The following RIT2 variants were observed in gnomAD, a reference collection of about 807,000 sequenced individuals.
The protein encoded by RIT2 is GTP-binding protein Rit2.
Under a neutral mutation model 23.7 loss-of-function variants are expected in RIT2, and 24 were observed. The ratio of observed to expected loss-of-function variants is 1.01; its 90% confidence interval spans 0.73 to 1.43. RIT2 has a LOEUF of 1.43. Ranked by LOEUF, RIT2 falls within the 40% of genes most tolerant of loss-of-function variation. The pLI, the probability that RIT2 is intolerant of heterozygous loss-of-function variation, is 0.00. For synonymous variants in RIT2, 107 were observed against 91.1 expected, an observed-to-expected ratio of 1.17 and a Z score of -0.99; for missense variants, 236 against 266.9, an observed-to-expected ratio of 0.88 and a Z score of 0.81.
At chr18:42,806,100 AATATAT>A (rs58214096) in intron 4 of RIT2, among the ~76,000 whole-genome samples, 22,571 of 139,846 alleles carry the variant, frequency 0.16, 3,481 homozygotes, top group African/African-American at 0.38. Context: ...TAATAAAATT[AATATAT>A]ATATATATAT....
intron 1 of RIT2, among the ~76,000 whole-genome samples, chr18:43,059,577 T>C (rs1912594425): frequency 6.6e-6 from 1 of 152,132 alleles, no homozygotes; most frequent in African/African-American, 2.4e-5. Flanking sequence ...TAATTCAATT[T>C]TTCATCTTGC....
At chr18:42,919,918 C>A (rs142232408) in intron 4 of RIT2, among the ~76,000 whole-genome samples, 106 of 152,206 alleles carry the variant, frequency 7.0e-4, no homozygotes, top group African/African-American at 2.5e-3. Flanking sequence ...ACCTTGGGAG[C>A]TCAAGGACCT....
chr18:42,751,671 T>C (rs1913049658), intron 4 of RIT2, among the ~76,000 whole-genome samples: 1 of 151,990 alleles, frequency 6.6e-6, no homozygotes, highest in Non-Finnish European at 1.5e-5. Flanking sequence ...TCATCGACCA[T>C]CTAATTCAAA....
chr18:43,100,300 C>A (rs968122913), intron 1 of RIT2, among the ~76,000 whole-genome samples: 1 of 152,064 alleles, frequency 6.6e-6, no homozygotes, highest in Non-Finnish European at 1.5e-5. Flanking sequence ...AACACAAAGA[C>A]CCTAAAAGGG....
At chr18:42,788,704 T>A (rs1261125018) in intron 4 of RIT2, among the ~76,000 whole-genome samples, 1 of 152,212 alleles carries the variant, frequency 6.6e-6, no homozygotes, top group African/African-American at 2.4e-5. Context: ...GAAAGTTTGA[T>A]GATACTGTCA....
chr18:42,913,808 ACAATGTG>A (rs1908835466), intron 4 of RIT2, among the ~76,000 whole-genome samples: 1 of 152,014 alleles, frequency 6.6e-6, no homozygotes, highest in Non-Finnish European at 1.5e-5. Context: ...TGTAGTTATA[ACAATGTG>A]CAATTCCTTG....
In RIT2 at chr18:43,073,331, T is replaced by C. The variant is rs145738111; in HGVS notation, c.104-39464A>G. On this transcript the variant is annotated intron_variant, in intron 1 of 4. Coordinates refer to ENST00000326695, the MANE Select transcript of RIT2 (RefSeq NM_002930.4). ...AAAGGGTGCTATCATATGCTGGATA[T>C]GACTTTCATTGCTTGGTTATGTTCT... is the stretch of plus-strand genomic sequence containing the variant. Among the ~76,000 whole-genome samples the C allele has an allele frequency of 2.1e-3, 323 of 152,350 alleles. 2 individuals are homozygous for C. The highest frequency in any genetic ancestry group is 7.6e-3 in the African/African-American group (315 of 41,570).
At chr18:42,930,044 T>C (rs1909288069) in intron 3 of RIT2, among the ~76,000 whole-genome samples, 1 of 152,020 alleles carries the variant, frequency 6.6e-6, no homozygotes. Flanking sequence ...AGAGAAACAA[T>C]GCTACAGAAA....
intron 4 of RIT2, among the ~76,000 whole-genome samples, chr18:42,845,790 C>T (rs982770704): frequency 2.6e-5 from 4 of 151,542 alleles, no homozygotes; most frequent in Admixed American, 2.6e-4. Flanking sequence ...GACTAATAAA[C>T]ACTTCTATAA....
chr18:42,766,615 A>G (rs1433394645), intron 4 of RIT2, among the ~76,000 whole-genome samples: 1 of 152,244 alleles, frequency 6.6e-6, no homozygotes, highest in Non-Finnish European at 1.5e-5. Flanking sequence ...GAGAAATTCA[A>G]GCCGGCTGTA....
intron 2 of RIT2, among the ~76,000 whole-genome samples, chr18:42,996,804 G>A (rs529151746): frequency 5.3e-5 from 8 of 152,176 alleles, no homozygotes; most frequent in Admixed American, 1.3e-4. Flanking sequence ...ACATGGATGC[G>A]CATGAAAGAA....
intron 2 of RIT2, among the ~76,000 whole-genome samples, chr18:43,026,610 AAGAAAG>A (rs1335658790): frequency 2.7e-5 from 4 of 149,860 alleles, no homozygotes; most frequent in Non-Finnish European, 5.9e-5. Context: ...GAAAGAAAGA[AAGAAAG>A]AAAGAAAGAA....
At chr18:42,990,334 T>A (rs1364012532) in intron 2 of RIT2, among the ~76,000 whole-genome samples, 1 of 152,124 alleles carries the variant, frequency 6.6e-6, no homozygotes, top group Non-Finnish European at 1.5e-5. Context: ...TTTGCTTTGC[T>A]ACATGTACAG....
chr18:42,909,340 G>C (rs567188892), intron 4 of RIT2, among the ~76,000 whole-genome samples: 2 of 152,018 alleles, frequency 1.3e-5, no homozygotes, highest in Admixed American at 1.3e-4. Flanking sequence ...TTAGGAGTAG[G>C]GTGAGGAATA....
chr18:42,781,532 C>T (rs1199381650), intron 4 of RIT2, among the ~76,000 whole-genome samples: 2 of 152,156 alleles, frequency 1.3e-5, no homozygotes, highest in African/African-American at 4.8e-5. Flanking sequence ...ACTGCTGCTA[C>T]CCAGAAGGTC....
chr18:42,774,665 T>C (rs1197917139), intron 4 of RIT2, among the ~76,000 whole-genome samples: 1 of 151,482 alleles, frequency 6.6e-6, no homozygotes, highest in Admixed American at 6.6e-5. Flanking sequence ...TTTGACACCA[T>C]GGAGAGATAG....
intron 4 of RIT2, among the ~76,000 whole-genome samples, chr18:42,776,585 A>G (rs562885530): frequency 6.6e-6 from 1 of 152,292 alleles, no homozygotes; most frequent in East Asian, 1.9e-4. Flanking sequence ...ACATTTATCA[A>G]TATCAAATAT....
At chr18:42,941,996 T>A (rs1230007758) in intron 3 of RIT2, among the ~76,000 whole-genome samples, 1 of 152,114 alleles carries the variant, frequency 6.6e-6, no homozygotes, top group Non-Finnish European at 1.5e-5. Context: ...TATAGCAGTT[T>A]ATGCAAGGAT....
intron 4 of RIT2, among the ~76,000 whole-genome samples, chr18:42,879,698 T>C (rs1450577547): frequency 1.3e-5 from 2 of 152,156 alleles, no homozygotes; most frequent in Non-Finnish European, 2.9e-5. Flanking sequence ...GTTTCTAGTT[T>C]TTCTAGTTTT....
Sources: allele counts gnomAD v4.1 joint callset (sites outside exome capture counted in the v4.1 genomes callset), GRCh38; gene constraint gnomAD v4.1.1; transcripts MANE v1.5; gene names NCBI Gene and HGNC (gene_info 2026-07-23, HGNC 2026-07-21).